The following BORCS5 variants were observed in gnomAD, a reference collection of about 807,000 sequenced individuals.
BORCS5 encodes BLOC-1-related complex subunit 5.
In BORCS5, 17 loss-of-function variants were observed where a neutral mutation model predicts 22.1. The ratio of observed to expected loss-of-function variants is 0.77; its 90% CI spans 0.53 to 1.15. The LOEUF is 1.15. BORCS5 is among the 50% of genes most tolerant of loss of function. The pLI is 0.00. For synonymous variants in BORCS5, 117 were observed against 99.8 expected, an observed-to-expected ratio of 1.17 and a Z score of -1.03; for missense variants, 247 against 253.2, an observed-to-expected ratio of 0.98 and a Z score of 0.17.
At chr12:12,455,596 T>C (rs1019230150) in intron 3 of BORCS5, among the ~76,000 whole-genome samples, 1 of 152,094 alleles carries the variant, frequency 6.6e-6, no homozygotes, top group Non-Finnish European at 1.5e-5. Flanking sequence ...CTGGCCTACA[T>C]GGTGAAACGC....
In BORCS5 at chr12:12,361,190, G is replaced by GT; in HGVS notation, c.59-15dup. 1 of 1,612,754 alleles carries GT rather than the reference G, an allele frequency of 6.2e-7. No homozygotes were observed. The highest frequency in any genetic ancestry group is 8.5e-7 in the Non-Finnish European group (1 of 1,178,846). ...GCCTAATATGCATCTCCTAAGCAGT[G>GT]TAACTTTATTTTCAGTGACTCCTTC... is the stretch of plus-strand genomic sequence containing the variant. On this transcript the variant is annotated splice_polypyrimidine_tract_variant and intron_variant, in intron 1 of 3. Transcript: ENST00000314565.
intron 3 of BORCS5, among the ~76,000 whole-genome samples, chr12:12,455,166 G>C (rs1054902602): frequency 6.6e-6 from 1 of 152,156 alleles, no homozygotes; most frequent in Non-Finnish European, 1.5e-5. Flanking sequence ...ACATATCACT[G>C]CCTGCTCATT....
At chr12:12,430,324 T>C (rs993841288) in intron 2 of BORCS5, among the ~76,000 whole-genome samples, 4 of 151,902 alleles carry the variant, frequency 2.6e-5, no homozygotes, top group Admixed American at 2.6e-4. Flanking sequence ...CTAATTTTTT[T>C]ATATTTTTAG....
At chr12:12,449,900 C>T (rs1056175933) in intron 3 of BORCS5, among the ~76,000 whole-genome samples, 4 of 152,192 alleles carry the variant, frequency 2.6e-5, no homozygotes, top group Non-Finnish European at 5.9e-5. Context: ...CTTCTCACTG[C>T]AGATCCAGGC....
intron 3 of BORCS5, among the ~76,000 whole-genome samples, chr12:12,446,619 A>G (rs1942796194): frequency 6.6e-6 from 1 of 152,226 alleles, no homozygotes; most frequent in Admixed American, 6.5e-5. Context: ...GGGACTCCCA[A>G]AGGATTTCAT....
At chr12:12,444,898 A>G (rs775104670) in intron 3 of BORCS5, among the ~76,000 whole-genome samples, 4 of 152,252 alleles carry the variant, frequency 2.6e-5, no homozygotes, top group Admixed American at 6.5e-5. Context: ...TGGGCCACAC[A>G]TAAACATATT....
intron 2 of BORCS5, among the ~76,000 whole-genome samples, chr12:12,427,670 C>CT (rs1342100900): frequency 6.6e-6 from 1 of 152,150 alleles, no homozygotes; most frequent in African/African-American, 2.4e-5. Context: ...AACCGGGTGG[C>CT]TTAAACAGCA....
At chr12:12,383,286 CACCCTTTTTTGTGCTA>C (rs1052007030) in intron 2 of BORCS5, among the ~76,000 whole-genome samples, 9 of 151,314 alleles carry the variant, frequency 5.9e-5, no homozygotes, top group Admixed American at 2.6e-4. Context: ...CTCATTCTTT[CACCCTTTTTTGTGCTA>C]TTATTCTCAT....
At chr12:12,363,579 C>CA (rs1225771570) in intron 2 of BORCS5, among the ~76,000 whole-genome samples, 1 of 151,750 alleles carries the variant, frequency 6.6e-6, no homozygotes, top group Non-Finnish European at 1.5e-5. Context: ...ACTGAAAGTA[C>CA]AAAAAAAATT....
intron 2 of BORCS5, among the ~76,000 whole-genome samples, chr12:12,420,419 A>G (rs1942084435): frequency 6.6e-6 from 1 of 152,184 alleles, no homozygotes; most frequent in African/African-American, 2.4e-5. Flanking sequence ...CTGTTTTGGT[A>G]CCAGTACCAT....
At chr12:12,454,944 C>G (rs375079505) in intron 3 of BORCS5, among the ~76,000 whole-genome samples, 18 of 152,272 alleles carry the variant, frequency 1.2e-4, no homozygotes, top group African/African-American at 3.9e-4. Context: ...GGCCTTCTGA[C>G]TTACTTTGTT....
chr12:12,385,630 C>T (rs1248685835), intron 2 of BORCS5, among the ~76,000 whole-genome samples: 1 of 151,156 alleles, frequency 6.6e-6, no homozygotes, highest in Non-Finnish European at 1.5e-5. Context: ...CTGCCTCAGC[C>T]TCTGAAGTAG....
At chr12:12,409,014 AC>A (rs1941653778) in intron 2 of BORCS5, among the ~76,000 whole-genome samples, 1 of 151,822 alleles carries the variant, frequency 6.6e-6, no homozygotes. Flanking sequence ...GAACCACCAC[AC>A]CCCTTTCGCC....
At position 12,452,227 on chromosome 12, in the gene BORCS5, C is replaced by G. The variant is rs964363251; in HGVS notation, c.361-13319C>G. 11 of 697,258 alleles carry G rather than the reference C, an allele frequency of 1.6e-5. No individual in the cohort carries two copies. The East Asian group carries it at 3.9e-4, about 25-fold the overall frequency. The allele number at this position is 697,258 out of a possible 1,614,324, so 43.2% of individuals were successfully genotyped here. A position where few individuals can be genotyped will look rare whatever the true frequency, so the allele number is the denominator to read the frequency against. ...GGTTCAGCACAGGCTGAAGCTCCCC[C>G]TCAGCCAGCCTCAGATTTTTCCAGC... is the stretch of plus-strand genomic sequence containing the variant. On this transcript the variant is annotated intron_variant, in intron 3 of 3. Transcript: ENST00000314565.
At chr12:12,387,619 G>A (rs576012249) in intron 2 of BORCS5, among the ~76,000 whole-genome samples, 17 of 151,596 alleles carry the variant, frequency 1.1e-4, no homozygotes, top group African/African-American at 3.9e-4. Context: ...ATTGGATCCA[G>A]TGTCTTTTCT....
chr12:12,407,655 T>A (rs1941622429), intron 2 of BORCS5, among the ~76,000 whole-genome samples: 1 of 151,988 alleles, frequency 6.6e-6, no homozygotes. Flanking sequence ...CCCTCAGCCC[T>A]GACAAACATT....
intron 2 of BORCS5, among the ~76,000 whole-genome samples, chr12:12,405,179 G>C (rs1047816999): frequency 1.3e-5 from 2 of 152,186 alleles, no homozygotes; most frequent in South Asian, 4.1e-4. Flanking sequence ...ACCCATAAAG[G>C]TAAAGATTTA....
chr12:12,451,152 G>A (rs1449561339), intron 3 of BORCS5, among the ~76,000 whole-genome samples: 1 of 151,004 alleles, frequency 6.6e-6, no homozygotes, highest in Non-Finnish European at 1.5e-5. Flanking sequence ...GAGAATACAT[G>A]GCAAGAATTT....
intron 2 of BORCS5, among the ~76,000 whole-genome samples, chr12:12,424,881 G>T (rs1444720679): frequency 1.3e-5 from 2 of 152,046 alleles, no homozygotes; most frequent in Non-Finnish European, 2.9e-5. Flanking sequence ...TTAATGTCCG[G>T]GTCCCAGAGA....
Sources: gnomAD v4.1 joint callset for allele counts (sites outside exome capture counted in the v4.1 genomes callset) on GRCh38, gnomAD v4.1.1 for gene constraint, MANE v1.5 for transcripts, NCBI Gene and HGNC (gene_info 2026-07-23, HGNC 2026-07-21) for gene names.